TENM2: variants seen among roughly 807,000 people sequenced by gnomAD.
The protein encoded by TENM2 is teneurin transmembrane protein 2.
Under a neutral mutation model 245.2 loss-of-function variants are expected in TENM2, and 52 were observed. That is an observed-to-expected ratio of 0.21 (90% confidence interval 0.17 to 0.27). The LOEUF (loss-of-function observed/expected upper bound fraction) is 0.27. Ranked by LOEUF, TENM2 falls within the 10% of genes least tolerant of loss-of-function variation. The pLI is 1.00. For missense variants in TENM2, 3,046 were observed against 3,666.8 expected (o/e 0.83, Z 4.37); for synonymous variants, 1,363 against 1,438.9 (o/e 0.95, Z 1.19).
At chr5:167,067,918 C>T in the TENM2 span, among the ~76,000 whole-genome samples, 1 of 152,154 alleles carries the variant, frequency 6.6e-6, no homozygotes, top group Non-Finnish European at 1.5e-5. Context: ...CCACTTGCTC[C>T]ACTGTATAAA....
intron 2 of TENM2, among the ~76,000 whole-genome samples, chr5:167,572,527 C>T (rs970765584): frequency 3.9e-5 from 6 of 152,146 alleles, no homozygotes; most frequent in Middle Eastern, 3.2e-3. Context: ...TGTTCACTTA[C>T]TACTGTTTTA....
intron 2 of TENM2, among the ~76,000 whole-genome samples, chr5:167,384,666 G>A (rs150109199): frequency 7.2e-4 from 110 of 151,826 alleles, no homozygotes; most frequent in African/African-American, 2.6e-3. Flanking sequence ...GGAAGCATCT[G>A]ATTAAAACAC....
At chr5:167,049,359 C>G in the TENM2 span, among the ~76,000 whole-genome samples, 1 of 152,118 alleles carries the variant, frequency 6.6e-6, no homozygotes, top group Admixed American at 6.5e-5. Flanking sequence ...TCATGACTGC[C>G]TTTCGTCCTA....
intron 2 of TENM2, among the ~76,000 whole-genome samples, chr5:167,417,837 C>G (rs1005224649): frequency 6.6e-6 from 1 of 152,142 alleles, no homozygotes; most frequent in Non-Finnish European, 1.5e-5. Context: ...TGCTGTTTCC[C>G]TGGTGTGGAT....
At chr5:167,194,316 G>A in the TENM2 span, among the ~76,000 whole-genome samples, 5 of 151,950 alleles carry the variant, frequency 3.3e-5, no homozygotes, top group Non-Finnish European at 5.9e-5. Flanking sequence ...GACGACGCAC[G>A]AAGGAAAATG....
At chr5:167,269,519 T>C in the TENM2 span, among the ~76,000 whole-genome samples, 1 of 136,214 alleles carries the variant, frequency 7.3e-6, no homozygotes, top group Middle Eastern at 4.0e-3. Context: ...AATAGTAAAA[T>C]AGTAGAAAAT....
At chr5:167,067,704 C>T in the TENM2 span, among the ~76,000 whole-genome samples, 1 of 152,176 alleles carries the variant, frequency 6.6e-6, no homozygotes, top group Non-Finnish European at 1.5e-5. Flanking sequence ...TCACCAAAGA[C>T]TATGCTCTGC....
chr5:168,204,306 G>A (rs892905212), intron 18 of TENM2, 66 bp from the exon 21 acceptor site: 3 of 1,530,542 alleles, frequency 2.0e-6, no homozygotes, highest in East Asian at 4.6e-5. Context: ...CTCCCTCCCA[G>A]TTGGCCAATA....
the TENM2 span, among the ~76,000 whole-genome samples, chr5:167,084,320 A>G: frequency 3.8e-5 from 1 of 26,356 alleles, no homozygotes; most frequent in Non-Finnish European, 8.7e-5. Context: ...TTGAAAAGCC[A>G]TTTTAGTTAT....
intron 2 of TENM2, among the ~76,000 whole-genome samples, chr5:167,846,550 TGTTTC>T (rs1770057082): frequency 6.6e-6 from 1 of 152,230 alleles, no homozygotes; most frequent in Admixed American, 6.5e-5. Context: ...GCTCAGGTGT[TGTTTC>T]TGTGATGCCA....
In TENM2 at chr5:167,517,863, C is replaced by T. The variant is rs150198959; in HGVS notation, c.502+142390C>T. Reference sequence around the variant, plus strand: ...TGGTGATGAGGGGGGTTGATGGAGTCGAGAGAGAGTCAGATCTTCCCCGTT... The same window carrying T: ...TGGTGATGAGGGGGGTTGATGGAGTTGAGAGAGAGTCAGATCTTCCCCGTT... On this transcript the variant is annotated intron_variant, in intron 2 of 28. Coordinates refer to ENST00000518659, the Ensembl canonical transcript of TENM2. Among the ~76,000 whole-genome samples the T allele has an allele frequency of 1.1e-4, 17 of 151,918 alleles. No individual in the cohort carries two copies. The East Asian group carries it at 1.4e-3, about 12-fold the overall frequency.
chr5:167,496,872 A>G (rs1768853102), intron 2 of TENM2, among the ~76,000 whole-genome samples: 1 of 152,162 alleles, frequency 6.6e-6, no homozygotes, highest in South Asian at 2.1e-4. Context: ...AGAGAGACTT[A>G]CAAAATAAAA....
At chr5:167,555,961 G>A (rs1232165431) in intron 2 of TENM2, among the ~76,000 whole-genome samples, 1 of 152,098 alleles carries the variant, frequency 6.6e-6, no homozygotes, top group Non-Finnish European at 1.5e-5. Flanking sequence ...AGCCGCATTA[G>A]TTCTCAAATC....
intron 2 of TENM2, among the ~76,000 whole-genome samples, chr5:167,567,838 A>T (rs1312710034): frequency 6.6e-6 from 1 of 152,196 alleles, no homozygotes; most frequent in East Asian, 1.9e-4. Context: ...GGACTGTATT[A>T]TAAGCTCTTT....
chr5:168,232,563 T>C (rs1487441656), intron 25 of TENM2, among the ~76,000 whole-genome samples: 1 of 152,214 alleles, frequency 6.6e-6, no homozygotes, highest in Non-Finnish European at 1.5e-5. Flanking sequence ...GTATCATGCA[T>C]GAAGCAAATA....
Position 167,626,690 on chromosome 5 carries a change from C to T in TENM2, c.503-249296C>T, listed in dbSNP as rs116292117. 5.2e-3 allele frequency among the ~76,000 whole-genome samples: 785 copies of T among 152,164 alleles called. 7 individuals are homozygous for T. The highest frequency in any genetic ancestry group is 0.018 in the African/African-American group (745 of 41,498). On this transcript the variant is annotated intron_variant, in intron 2 of 28. Transcript: ENST00000518659. ...AAGTTGGAACAACTGCTATACACAA[C>T]GAAATCTAAAAAGCACTCGAAAAGG...
At chr5:167,780,338 C>T (rs1036329645) in intron 2 of TENM2, among the ~76,000 whole-genome samples, 2 of 152,138 alleles carry the variant, frequency 1.3e-5, no homozygotes, top group Admixed American at 6.5e-5. Flanking sequence ...ATGCACAGAG[C>T]GGTAAAAATC....
intron 4 of TENM2, among the ~76,000 whole-genome samples, chr5:167,990,572 C>T (rs973602899): frequency 6.6e-6 from 1 of 152,094 alleles, no homozygotes; most frequent in Non-Finnish European, 1.5e-5. Context: ...AGAAATGGCA[C>T]GACCAGGACT....
At chr5:167,864,657 G>A (rs1442479557) in intron 2 of TENM2, among the ~76,000 whole-genome samples, 1 of 152,190 alleles carries the variant, frequency 6.6e-6, no homozygotes, top group Non-Finnish European at 1.5e-5. Context: ...TAAATTCTCT[G>A]TGCACTGTGG....
Sources: gnomAD v4.1 joint callset for allele counts (sites outside exome capture counted in the v4.1 genomes callset) on GRCh38, gnomAD v4.1.1 for gene constraint, MANE v1.5 for transcripts, NCBI Gene and HGNC (gene_info 2026-07-23, HGNC 2026-07-21) for gene names.